Variants in EEFSEC observed in about 807,000 individuals in gnomAD.
EEFSEC encodes the protein eukaryotic elongation factor, selenocysteine-tRNA specific, also known as selenocysteine-specific elongation factor.
Under a neutral mutation model 42.1 loss-of-function variants are expected in EEFSEC, and 43 were observed. That is an observed-to-expected ratio of 1.02 (90% CI 0.80 to 1.32). EEFSEC has a LOEUF of 1.32. EEFSEC is among the 40% of genes most tolerant of loss of function. The pLI is 0.00. For missense variants in EEFSEC, 745 were observed against 803.6 expected, an observed-to-expected ratio of 0.93 and a Z score of 0.88; for synonymous variants, 354 against 339.1, an observed-to-expected ratio of 1.04 and a Z score of -0.48.
chr3:128,195,783 C>T (rs2065578459), intron 1 of EEFSEC, among the ~76,000 whole-genome samples: 1 of 152,184 alleles, frequency 6.6e-6, no homozygotes, highest in Non-Finnish European at 1.5e-5. Flanking sequence ...GGATTTGTCC[C>T]AGACTTCATG....
At chr3:128,319,814 C>G (rs547098599) in intron 4 of EEFSEC, among the ~76,000 whole-genome samples, 18 of 152,368 alleles carry the variant, frequency 1.2e-4, no homozygotes, top group Middle Eastern at 3.4e-3. Context: ...GTGTCTCATT[C>G]TGTCCTGTGT....
At chr3:128,247,180 C>A in intron 2 of EEFSEC, 137 bp downstream of exon 2, 1 of 895,810 alleles carries the variant, frequency 1.1e-6, no homozygotes, top group Non-Finnish European at 1.7e-6. Flanking sequence ...CTGGCATTTG[C>A]TCACATAAGG....
chr3:128,163,528 G>A lies in EEFSEC; in HGVS notation c.316+9705G>A, dbSNP rs149457827. ...ATATAATTTTTTAAAATAATTTTAT[G>A]GTATGTAAATTACATACCATAAAAT... On this transcript the variant is annotated intron_variant, in intron 1 of 6. Coordinates refer to ENST00000254730, the MANE Select transcript of EEFSEC (RefSeq NM_021937.5). Among the ~76,000 whole-genome samples, 286 of 151,350 alleles carry A rather than the reference G, an allele frequency of 1.9e-3. 1 individual carries two copies. The highest frequency in any genetic ancestry group is 6.6e-3 in the African/African-American group (272 of 41,244).
At chr3:128,342,311 C>T (rs2067264769) in intron 5 of EEFSEC, among the ~76,000 whole-genome samples, 1 of 152,252 alleles carries the variant, frequency 6.6e-6, no homozygotes, top group South Asian at 2.1e-4. Flanking sequence ...CTCCATCCAG[C>T]TGGGATCTGC....
chr3:128,159,524 G>T (rs761682162), intron 1 of EEFSEC, among the ~76,000 whole-genome samples: 12 of 152,198 alleles, frequency 7.9e-5, no homozygotes, highest in Non-Finnish European at 1.8e-4. Context: ...CACTTGACAA[G>T]ACTTTCCAGT....
At chr3:128,322,397 C>T (rs1415858497) in intron 4 of EEFSEC, among the ~76,000 whole-genome samples, 1 of 152,250 alleles carries the variant, frequency 6.6e-6, no homozygotes, top group Non-Finnish European at 1.5e-5. Flanking sequence ...GTCATTACTG[C>T]TGCCGACATC....
At chr3:128,262,385 C>T (rs2066308064) in intron 3 of EEFSEC, among the ~76,000 whole-genome samples, 161 bp downstream of exon 3, 1 of 152,162 alleles carries the variant, frequency 6.6e-6, no homozygotes, top group Admixed American at 6.5e-5. Context: ...ACAACTCCCC[C>T]ACCTCCCTCA....
chr3:128,204,922 A>G (rs2065677453), intron 1 of EEFSEC, among the ~76,000 whole-genome samples: 3 of 152,170 alleles, frequency 2.0e-5, no homozygotes, highest in African/African-American at 7.2e-5. Flanking sequence ...AAGGAGCCCA[A>G]TTGTTACACT....
intron 6 of EEFSEC, among the ~76,000 whole-genome samples, chr3:128,405,130 C>T (rs1249872564): frequency 6.6e-6 from 1 of 151,936 alleles, no homozygotes; most frequent in Non-Finnish European, 1.5e-5. Flanking sequence ...CATTCTCCTA[C>T]TTCAGCCTCT....
At chr3:128,366,940 T>C (rs908323648) in intron 6 of EEFSEC, among the ~76,000 whole-genome samples, 2 of 152,116 alleles carry the variant, frequency 1.3e-5, no homozygotes, top group Non-Finnish European at 2.9e-5. Flanking sequence ...ACAATAGGCA[T>C]TCATTTCCTG....
intron 6 of EEFSEC, among the ~76,000 whole-genome samples, chr3:128,387,614 G>A (rs553867900): frequency 1.3e-5 from 2 of 152,286 alleles, no homozygotes; most frequent in Non-Finnish European, 2.9e-5. Context: ...GCCCAGAATG[G>A]GAGAGGAGGC....
rs145849703 is a variant in EEFSEC, at chr3:128,268,845, A to G, written c.786+4064A>G. 4.6e-5 allele frequency among the ~76,000 whole-genome samples: 7 copies of G among 152,322 alleles called. No homozygotes were observed. The East Asian group carries it at 1.4e-3, about 29-fold the overall frequency. The stretch of plus-strand genomic sequence containing the variant: ...CACGTCGATTTGGACTTCTGGCTCC[A>G]GAACTGTGAGAGAAGAAATATTTTG... On this transcript the variant is annotated intron_variant, in intron 4 of 6. Transcript: ENST00000254730.
At chr3:128,290,997 AC>A (rs1225213092) in intron 4 of EEFSEC, among the ~76,000 whole-genome samples, 3 of 151,738 alleles carry the variant, frequency 2.0e-5, no homozygotes, top group Non-Finnish European at 4.4e-5. Context: ...TGATCCACCC[AC>A]CTCAGCCTCC....
At chr3:128,236,602 G>T (rs1289156322) in intron 1 of EEFSEC, among the ~76,000 whole-genome samples, 1 of 152,170 alleles carries the variant, frequency 6.6e-6, no homozygotes, top group Non-Finnish European at 1.5e-5. Context: ...TACTAGTAAG[G>T]TGTGATGTCT....
chr3:128,339,623 CAG>C (rs1294171552), intron 4 of EEFSEC, among the ~76,000 whole-genome samples: 6 of 152,182 alleles, frequency 3.9e-5, no homozygotes, highest in South Asian at 4.1e-4. Context: ...ATTTTAGAAA[CAG>C]AGATAAGATC....
rs760646864 is a variant in EEFSEC, at chr3:128,264,631, G to T, written c.636G>T (p.Gln212His). The change falls in exon 4 of 7, where the codon CAG becomes CAT. Residue 212 changes from glutamine (Q) to histidine (H), a missense_variant. By Grantham distance (24) the Gln-to-His change is conservative (BLOSUM62 0). Coordinates refer to ENST00000254730, the MANE Select transcript of EEFSEC (RefSeq NM_021937.5). ...IPELIELLTS[Q>H]ISIPTRDPSG... ...CTCTTTTCTAGCTCCTGACGTCCCA[G>T]ATTTCCATCCCAACGAGAGATCCCT... 1.2e-6 allele frequency: 2 copies of T among 1,613,888 alleles called. No homozygotes were observed. The highest frequency in any genetic ancestry group is 2.2e-5 in the South Asian group (2 of 91,064).
At position 128,358,343 on chromosome 3, in the gene EEFSEC, CAGAGCG is replaced by C. The variant is rs2067483484; in HGVS notation, c.1571_1576del (p.Gln524_Gly526delinsArg). 1.9e-6 allele frequency: 3 copies of C among 1,614,218 alleles called. No homozygotes were observed. The highest frequency in any genetic ancestry group is 2.5e-6 in the Non-Finnish European group (3 of 1,180,028). Reference sequence around the variant, plus strand: ...GGGCATCATCGACAGTGCCTTCGGCCAGAGCGGCAAGTTCAAGATCCACATCCCAGG... The same window carrying C: ...GGGCATCATCGACAGTGCCTTCGGCCGCAAGTTCAAGATCCACATCCCAGG... On this transcript the variant is annotated inframe_deletion, in exon 6 of 7. Coordinates refer to ENST00000254730, the MANE Select transcript of EEFSEC (RefSeq NM_021937.5).
At chr3:128,276,863 G>A (rs552342413) in intron 4 of EEFSEC, among the ~76,000 whole-genome samples, 1 of 152,340 alleles carries the variant, frequency 6.6e-6, no homozygotes, top group South Asian at 2.1e-4. Context: ...AGGCCTGGGA[G>A]AAGAGTGTGG....
chr3:128,360,195 C>G (rs112705147), intron 6 of EEFSEC, among the ~76,000 whole-genome samples: 2 of 152,340 alleles, frequency 1.3e-5, no homozygotes, highest in African/African-American at 4.8e-5. Context: ...CTCACCTCAG[C>G]CAAACAGGAG....
Sources: gnomAD v4.1 joint callset for allele counts (sites outside exome capture counted in the v4.1 genomes callset) on GRCh38, gnomAD v4.1.1 for gene constraint, MANE v1.5 for transcripts, NCBI Gene and HGNC (gene_info 2026-07-23, HGNC 2026-07-21) for gene names.